The following PEAK1 variants were observed in gnomAD, a reference collection of about 807,000 sequenced individuals.
PEAK1 encodes the protein inactive tyrosine-protein kinase PEAK1.
Under a neutral mutation model 124.7 loss-of-function variants are expected in PEAK1, and 54 were observed. The ratio of observed to expected loss-of-function variants is 0.43; its 90% confidence interval spans 0.35 to 0.54. PEAK1 has a LOEUF of 0.54. Ranked by LOEUF, PEAK1 falls within the 20% of genes least tolerant of loss-of-function variation. The probability of loss-of-function intolerance (pLI) is 0.01; values close to 1 mark genes in which losing one functional copy is unlikely to be tolerated. For missense variants in PEAK1, 2,046 were observed against 2,134.5 expected (o/e 0.96, Z 0.82); for synonymous variants, 719 against 760.0 (o/e 0.95, Z 0.89).
chr15:77,283,905 T>C lies in PEAK1; in HGVS notation c.-297A>G, dbSNP rs1200634335. 3 of 981,576 alleles carry C rather than the reference T, an allele frequency of 3.1e-6. No individual in the cohort carries two copies. Among genetic ancestry groups the C allele is most frequent in the African/African-American group, 1.7e-5 (1 of 57,184 alleles). 60.8% of individuals were successfully genotyped at this position (981,576 alleles called of 1,614,324 possible). On this transcript the variant is annotated 5_prime_UTR_variant, in exon 5 of 10. Coordinates refer to ENST00000682557, the MANE Select transcript of PEAK1 (RefSeq NM_001385026.1). The stretch of plus-strand genomic sequence containing the variant: ...TACCTCTTTGTTACTGTTATTTATA[T>C]AGCTGTAGTCATTACTACTTTCATA...
At chr15:77,326,587 C>T (rs1406698525) in intron 2 of PEAK1, among the ~76,000 whole-genome samples, 1 of 152,112 alleles carries the variant, frequency 6.6e-6, no homozygotes, top group African/African-American at 2.4e-5. Context: ...GAATATTTCT[C>T]TCATCACAGA....
chr15:77,376,426 T>C (rs924489276), intron 1 of PEAK1, among the ~76,000 whole-genome samples: 2 of 152,122 alleles, frequency 1.3e-5, no homozygotes, highest in Middle Eastern at 3.2e-3. Context: ...GGTTCTTTAC[T>C]AAAAACAGTC....
At chr15:77,314,295 GA>G (rs905797831) in intron 2 of PEAK1, among the ~76,000 whole-genome samples, 171 of 143,204 alleles carry the variant, frequency 1.2e-3, no homozygotes, top group African/African-American at 1.8e-3. Flanking sequence ...AACCTGATAC[GA>G]AAAAAAAAAA....
At chr15:77,192,962 G>A (rs2057915873) in intron 6 of PEAK1, among the ~76,000 whole-genome samples, 1 of 152,058 alleles carries the variant, frequency 6.6e-6, no homozygotes, top group African/African-American at 2.4e-5. Context: ...CACAGATCAA[G>A]GTGTATACGC....
In PEAK1 at chr15:77,179,070, C is replaced by T. The variant is rs767479708; in HGVS notation, c.2857G>A (p.Val953Met). 6.2e-6 allele frequency: 10 copies of T among 1,614,060 alleles called. No homozygotes were observed. The highest frequency in any genetic ancestry group is 2.2e-5 in the East Asian group (1 of 44,896). ...KEKEREKGKLVGLDGTVIHML... is the reference protein window; with the variant it reads ...KEKEREKGKLMGLDGTVIHML... ...TGAATGACTGTGCCATCCAGGCCCA[C>T]CAGTTTCCCTTTCTCTCGCTCTTTC... Residue 953 changes from valine (V) to methionine (M), a missense_variant, in exon 7 of 10, where the codon GTG (valine) becomes ATG (methionine). Transcript: ENST00000682557.
intron 2 of PEAK1, among the ~76,000 whole-genome samples, chr15:77,343,634 C>A (rs1365941694): frequency 7.9e-5 from 12 of 151,880 alleles, no homozygotes; most frequent in Admixed American, 7.9e-4. Context: ...TACAGGCACA[C>A]ACCACCATGC....
At chr15:77,210,239 C>T (rs184797090) in intron 6 of PEAK1, among the ~76,000 whole-genome samples, 1 of 152,170 alleles carries the variant, frequency 6.6e-6, no homozygotes, top group African/African-American at 2.4e-5. Flanking sequence ...TCCATATATA[C>T]CAGAGATGTA....
At chr15:77,287,168 T>C (rs1010668270) in intron 2 of PEAK1, among the ~76,000 whole-genome samples, 5 of 152,196 alleles carry the variant, frequency 3.3e-5, no homozygotes, top group Admixed American at 6.5e-5. Flanking sequence ...AAGAGAAGGA[T>C]GTTCAACTAC....
chr15:77,235,522 A>G (rs2060081717), intron 6 of PEAK1, among the ~76,000 whole-genome samples: 1 of 152,212 alleles, frequency 6.6e-6, no homozygotes, highest in South Asian at 2.1e-4. Context: ...ATCTGGCAGA[A>G]GAAATTTCTA....
At chr15:77,348,896 C>T in intron 2 of PEAK1, 2 of 944,848 alleles carry the variant, frequency 2.1e-6, no homozygotes, top group Middle Eastern at 5.4e-4. Context: ...CTTGCCTTGG[C>T]CTCGCAAAGT....
At chr15:77,269,097 C>T (rs1441371320) in intron 5 of PEAK1, among the ~76,000 whole-genome samples, 1 of 146,932 alleles carries the variant, frequency 6.8e-6, no homozygotes, top group Non-Finnish European at 1.5e-5. Context: ...TATAAAACAA[C>T]AACACAATGA....
At chr15:77,414,533 C>A (rs1009326860) in intron 1 of PEAK1, among the ~76,000 whole-genome samples, 1 of 151,986 alleles carries the variant, frequency 6.6e-6, no homozygotes, top group African/African-American at 2.4e-5. Flanking sequence ...TATTTTCTAT[C>A]TTATCCTCTG....
intron 2 of PEAK1, chr15:77,352,577 T>C (rs2067272054): frequency 2.1e-6 from 2 of 941,212 alleles, no homozygotes; most frequent in Non-Finnish European, 1.3e-6. Flanking sequence ...TTTTTTAATA[T>C]ATATAAAACT....
In PEAK1 at chr15:77,366,819, C is replaced by G. The variant is rs1438527893; in HGVS notation, c.-665-1594G>C. Reference sequence around the variant, plus strand: ...TCAAGCAATCCACATGCCTCAGCCTCCCAAAGTGCTGGGATTACAGGCATG... The same window carrying G: ...TCAAGCAATCCACATGCCTCAGCCTGCCAAAGTGCTGGGATTACAGGCATG... On this transcript the variant is annotated intron_variant, in intron 1 of 9. Coordinates refer to ENST00000682557, the MANE Select transcript of PEAK1 (RefSeq NM_001385026.1). Among the ~76,000 whole-genome samples, 3 of 152,328 alleles carry G rather than the reference C, an allele frequency of 2.0e-5. No homozygotes were observed. The East Asian group carries it at 5.8e-4, about 29-fold the overall frequency.
exon 7 of PEAK1, chr15:77,101,594 T>C (rs961826286): frequency 2.0e-5 from 3 of 152,190 alleles, no homozygotes; most frequent in African/African-American, 2.4e-5. Context: ...GCTCAGAGAA[T>C]GGCTGAGGAC....
chr15:77,357,051 G>C (rs1201096009), intron 2 of PEAK1, among the ~76,000 whole-genome samples: 1 of 152,194 alleles, frequency 6.6e-6, no homozygotes, highest in Non-Finnish European at 1.5e-5. Context: ...AGGATTACCT[G>C]AGCCCAGGAG....
chr15:77,162,149 GA>G (rs1186895336), intron 7 of PEAK1, among the ~76,000 whole-genome samples: 3 of 151,822 alleles, frequency 2.0e-5, no homozygotes, highest in African/African-American at 4.8e-5. Flanking sequence ...CAGGAAGAAA[GA>G]AAAAAAGGAA....
At chr15:77,226,171 C>A (rs908919754) in intron 6 of PEAK1, among the ~76,000 whole-genome samples, 1 of 143,670 alleles carries the variant, frequency 7.0e-6, no homozygotes, top group Admixed American at 7.1e-5. Context: ...CAATAGTTCT[C>A]TTTTCTCTTG....
chr15:77,276,890 G>C (rs1447327141), intron 5 of PEAK1, among the ~76,000 whole-genome samples: 2 of 152,026 alleles, frequency 1.3e-5, no homozygotes, highest in African/African-American at 4.8e-5. Flanking sequence ...TTAAATGGGG[G>C]GGACTAAAGG....
Sources: gnomAD v4.1 joint callset for allele counts (sites outside exome capture counted in the v4.1 genomes callset) on GRCh38, gnomAD v4.1.1 for gene constraint, MANE v1.5 for transcripts, NCBI Gene and HGNC (gene_info 2026-07-23, HGNC 2026-07-21) for gene names.